DCBLD2: variants seen among roughly 807,000 people sequenced by gnomAD.
DCBLD2 encodes the protein discoidin, CUB and LCCL domain-containing protein 2.
A neutral mutation model predicts 86.8 loss-of-function variants in DCBLD2; 54 were observed. The ratio of observed to expected loss-of-function variants is 0.62; its 90% CI spans 0.50 to 0.78. The LOEUF is 0.78. Ranked by LOEUF, DCBLD2 falls within the 30% of genes least tolerant of loss-of-function variation. The pLI is 0.00. For synonymous variants in DCBLD2, 354 were observed against 341.3 expected, an observed-to-expected ratio of 1.04 and a Z score of -0.41; for missense variants, 908 against 954.2, an observed-to-expected ratio of 0.95 and a Z score of 0.64.
rs770584398 is a variant in DCBLD2, at chr3:98,799,396, A to T, written c.2304T>A (p.Cys768Ter). Reference sequence around the variant, plus strand: ...TTCAAAGGATTTCTTTAAAAACATCACATTCCCCATCCCTTCCTGCTCCTG... The same window carrying T: ...TTCAAAGGATTTCTTTAAAAACATCTCATTCCCCATCCCTTCCTGCTCCTG... ...EVSGAGRDGE[C>*]DVFKEIL Residue 768 changes from cysteine to a stop codon, truncating the protein, a stop_gained, in exon 16 of 16, where the codon TGT becomes TGA. Transcript: ENST00000326840. LOFTEE classifies it high-confidence loss of function. 9.9e-6 allele frequency: 16 copies of T among 1,609,966 alleles called. No homozygotes were observed. In the South Asian group the frequency reaches 1.7e-4, roughly 17 times the overall value.
At chr3:98,894,177 G>A (rs546888036) in intron 1 of DCBLD2, among the ~76,000 whole-genome samples, 6 of 152,268 alleles carry the variant, frequency 3.9e-5, no homozygotes, top group African/African-American at 1.2e-4. Context: ...AAGCACCTGA[G>A]GCTAATGTCA....
chr3:98,881,517 A>G, intron 2 of DCBLD2, 23 bp downstream of exon 2: 1 of 1,585,848 alleles, frequency 6.3e-7, no homozygotes, highest in East Asian at 2.2e-5. Flanking sequence ...ATTTACATGT[A>G]CATTTACAAA....
intron 9 of DCBLD2, chr3:98,813,117 A>G (rs1941966462): frequency 6.6e-6 from 1 of 152,206 alleles, no homozygotes; most frequent in South Asian, 2.1e-4. Flanking sequence ...TTAGAGATAG[A>G]GTCTTGCTCT....
Position 98,822,750 on chromosome 3 carries a change from T to C in DCBLD2, c.624-9A>G, listed in dbSNP as rs1423109021. ...CAGCTGGGCAGTACTTACTGAGAAATGAAAACAAGCAAAAGGTTACATAAT... is the reference window on the plus strand; with the variant it reads ...CAGCTGGGCAGTACTTACTGAGAAACGAAAACAAGCAAAAGGTTACATAAT... On this transcript the variant is annotated splice_polypyrimidine_tract_variant and intron_variant, in intron 4 of 15. Coordinates refer to ENST00000326840, the MANE Select transcript of DCBLD2 (RefSeq NM_080927.4). The C allele has an allele frequency of 1.3e-6, 2 of 1,579,370 alleles. No homozygotes were observed. The highest frequency in any genetic ancestry group is 1.7e-6 in the Non-Finnish European group (2 of 1,163,188).
Position 98,901,448 on chromosome 3 carries a change from C to T in DCBLD2, c.-122G>A. 16 of 1,026,986 alleles carry T rather than the reference C, an allele frequency of 1.6e-5. No homozygotes were observed. The highest frequency in any genetic ancestry group is 2.0e-5 in the Non-Finnish European group (16 of 801,268). 63.6% of individuals were successfully genotyped at this position (1,026,986 alleles called of 1,614,324 possible). On this transcript the variant is annotated 5_prime_UTR_variant, in exon 1 of 16. Coordinates refer to ENST00000326840, the MANE Select transcript of DCBLD2 (RefSeq NM_080927.4). ...GGAGAACAAGAGGCAGCCCTCGCCT[C>T]ACCCCGCGCCGGGACCCTTCCGCCC... is the stretch of plus-strand genomic sequence containing the variant.
intron 15 of DCBLD2, among the ~76,000 whole-genome samples, 156 bp downstream of exon 15, chr3:98,800,423 G>A (rs533376818): frequency 3.9e-5 from 6 of 152,224 alleles, no homozygotes; most frequent in African/African-American, 1.4e-4. Flanking sequence ...ATGACTCTCT[G>A]AAGAGTCACC....
At chr3:98,802,645 T>C (rs550753211) in intron 13 of DCBLD2, among the ~76,000 whole-genome samples, 6 of 152,296 alleles carry the variant, frequency 3.9e-5, no homozygotes, top group African/African-American at 1.4e-4. Context: ...CTGAATGGTA[T>C]TGCCTAGGTT....
Position 98,901,350 on chromosome 3 carries a change from C to A in DCBLD2, c.-24G>T. The A allele has an allele frequency of 7.4e-7, 1 of 1,356,980 alleles. No homozygotes were observed. The highest frequency in any genetic ancestry group is 1.9e-5 in the South Asian group (1 of 53,908). The allele number at this position is 1,356,980 out of a possible 1,614,324, so 84.1% of individuals were successfully genotyped here. A position where few individuals can be genotyped will look rare whatever the true frequency, so the allele number is the denominator to read the frequency against. On this transcript the variant is annotated 5_prime_UTR_variant, in exon 1 of 16. An upstream start codon of the reference 5' UTR is lost. Transcript: ENST00000326840. ...ATCGCGGCGGCCGGCAGTCTGCCTG[C>A]ATAGTGCGGGTGCCTCGGCAGCCCC...
At chr3:98,854,046 T>G (rs1459285278) in intron 2 of DCBLD2, among the ~76,000 whole-genome samples, 1 of 152,124 alleles carries the variant, frequency 6.6e-6, no homozygotes, top group African/African-American at 2.4e-5. Context: ...AAATTTGGAA[T>G]TCTCAAAGGA....
intron 3 of DCBLD2, among the ~76,000 whole-genome samples, chr3:98,838,192 C>T (rs796101322): frequency 0.075 from 6,916 of 92,046 alleles, no homozygotes; most frequent in Non-Finnish European, 0.098. Context: ...CGGGCGGAGA[C>T]GCTCCTCACT....
chr3:98,901,458 CGGG>C lies in DCBLD2; in HGVS notation c.-135_-133del. 2.2e-6 allele frequency: 2 copies of C among 919,476 alleles called. No homozygotes were observed. The highest frequency in any genetic ancestry group is 2.8e-6 in the Non-Finnish European group (2 of 704,216). The allele number at this position is 919,476 out of a possible 1,614,324, so 57.0% of individuals were successfully genotyped here. On this transcript the variant is annotated 5_prime_UTR_variant, in exon 1 of 16. Transcript: ENST00000326840. ...AGGCAGCCCTCGCCTCACCCCGCGC[CGGG>C]ACCCTTCCGCCCCTCACCCCGCTTT... is the stretch of plus-strand genomic sequence containing the variant.
rs1346374765 is a variant in DCBLD2 at position 98,799,418 on chromosome 3, C to T, written c.2282G>A (p.Gly761Glu). The change falls in exon 16 of 16, where the codon GGA (glycine) becomes GAA (glutamate). Residue 761 changes from glycine (G) to glutamate (E), a missense_variant. Coordinates refer to ENST00000326840, the MANE Select transcript of DCBLD2 (RefSeq NM_080927.4). The stretch of plus-strand genomic sequence containing the variant: ...ATCACATTCCCCATCCCTTCCTGCT[C>T]CTGATACTTCTTGTGTGCTCTGTGG... ...QVPQSTQEVS[G>E]AGRDGECDVF... 2 of 1,613,836 alleles carry T rather than the reference C, an allele frequency of 1.2e-6. No homozygotes were observed. The highest frequency in any genetic ancestry group is 1.7e-6 in the Non-Finnish European group (2 of 1,179,862).
chr3:98,827,334 A>G (rs140272368), intron 3 of DCBLD2, among the ~76,000 whole-genome samples: 1 of 152,338 alleles, frequency 6.6e-6, no homozygotes, highest in African/African-American at 2.4e-5. Context: ...TAAGATTAGA[A>G]GTTGAATTTC....
chr3:98,856,814 A>C (rs1942937981), intron 2 of DCBLD2, among the ~76,000 whole-genome samples: 1 of 152,226 alleles, frequency 6.6e-6, no homozygotes, highest in African/African-American at 2.4e-5. Context: ...ACAGATTCTA[A>C]CGAAAACATA....
chr3:98,865,092 A>C (rs994885777), intron 2 of DCBLD2, among the ~76,000 whole-genome samples: 4 of 152,202 alleles, frequency 2.6e-5, no homozygotes, highest in Non-Finnish European at 5.9e-5. Context: ...CATATGATCC[A>C]GTAATTTTAC....
chr3:98,834,991 G>T, intron 3 of DCBLD2, among the ~76,000 whole-genome samples: 1 of 146,600 alleles, frequency 6.8e-6, no homozygotes, highest in Non-Finnish European at 1.5e-5. Context: ...TTATTTTTTT[G>T]AGACAGAGTT....
At chr3:98,866,808 T>A (rs2107506404) in intron 2 of DCBLD2, among the ~76,000 whole-genome samples, 1 of 152,380 alleles carries the variant, frequency 6.6e-6, no homozygotes, top group South Asian at 2.1e-4. Context: ...TGGTACTGCC[T>A]AGGTTTTCTT....
At chr3:98,878,206 GA>G (rs1317686109) in intron 2 of DCBLD2, among the ~76,000 whole-genome samples, 3 of 152,132 alleles carry the variant, frequency 2.0e-5, no homozygotes, top group Non-Finnish European at 1.5e-5. Flanking sequence ...TTACAGTGTA[GA>G]AAACTGAGAG....
chr3:98,845,331 G>C (rs1942701783), intron 3 of DCBLD2, among the ~76,000 whole-genome samples: 2 of 152,256 alleles, frequency 1.3e-5, no homozygotes, highest in South Asian at 4.1e-4. Context: ...GTAGCTCAGA[G>C]CTTTACCCAA....
Sources: gnomAD v4.1 joint callset for allele counts (sites outside exome capture counted in the v4.1 genomes callset) on GRCh38, gnomAD v4.1.1 for gene constraint, MANE v1.5 for transcripts, NCBI Gene and HGNC (gene_info 2026-07-23, HGNC 2026-07-21) for gene names.